STK3: variants seen among roughly 807,000 people sequenced by gnomAD.
STK3 encodes serine/threonine kinase 3.
Under a neutral mutation model 58.0 loss-of-function variants are expected in STK3, and 41 were observed. The observed-to-expected ratio is 0.71, with a 90% CI of 0.55 to 0.92. The LOEUF is 0.92. STK3 is among the 40% of genes least tolerant of loss of function. The pLI is 0.00. For missense variants in STK3, 479 were observed against 602.7 expected (o/e 0.79, Z 2.15); for synonymous variants, 170 against 191.0 (o/e 0.89, Z 0.91).
chr8:98,742,105 A>G (rs923874526), intron 4 of STK3, among the ~76,000 whole-genome samples: 42 of 152,040 alleles, frequency 2.8e-4, no homozygotes, highest in Non-Finnish European at 4.9e-4. Context: ...TACCAACCAA[A>G]AAGAGTCCAG....
At chr8:98,863,247 T>C (rs535728793) in intron 3 of STK3, among the ~76,000 whole-genome samples, 1 of 152,382 alleles carries the variant, frequency 6.6e-6, no homozygotes, top group South Asian at 2.1e-4. Flanking sequence ...TTATCATTGA[T>C]AAGAGCAGCA....
intron 1 of STK3, among the ~76,000 whole-genome samples, chr8:98,934,558 G>C (rs918644771): frequency 2.0e-5 from 3 of 152,226 alleles, no homozygotes; most frequent in African/African-American, 7.2e-5. Context: ...CATAAAAGCA[G>C]CAAAGGTGTC....
At chr8:98,498,052 G>T (rs1057040800) in intron 10 of STK3, among the ~76,000 whole-genome samples, 1 of 152,110 alleles carries the variant, frequency 6.6e-6, no homozygotes. Context: ...TCCTTACACG[G>T]CCTCATAGTA....
At chr8:98,807,622 C>T (rs950514479) in intron 1 of STK3, among the ~76,000 whole-genome samples, 1 of 152,108 alleles carries the variant, frequency 6.6e-6, no homozygotes, top group African/African-American at 2.4e-5. Flanking sequence ...AATTCCAAGT[C>T]TCAAAAGTAT....
intron 3 of STK3, among the ~76,000 whole-genome samples, chr8:98,754,609 G>C (rs553557429): frequency 6.6e-6 from 1 of 151,692 alleles, no homozygotes; most frequent in Non-Finnish European, 1.5e-5. Context: ...TCCTGGGTTC[G>C]AGTGATTCTC....
intron 6 of STK3, among the ~76,000 whole-genome samples, chr8:98,693,372 G>C (rs895753121): frequency 2.6e-5 from 4 of 152,106 alleles, no homozygotes; most frequent in African/African-American, 9.7e-5. Flanking sequence ...CAGCCTGGGT[G>C]ACAAAGCAAG....
At chr8:98,355,884 T>C in the STK3 span, among the ~76,000 whole-genome samples, 1 of 152,252 alleles carries the variant, frequency 6.6e-6, no homozygotes, top group Non-Finnish European at 1.5e-5. Context: ...CTGGTCATTA[T>C]GGCATTTAAT....
intron 1 of STK3, among the ~76,000 whole-genome samples, chr8:98,819,788 A>T (rs1295277492): frequency 6.6e-6 from 1 of 152,152 alleles, no homozygotes; most frequent in Non-Finnish European, 1.5e-5. Flanking sequence ...TTACTTTCCA[A>T]CATTCCAAGG....
At position 98,822,756 on chromosome 8, in the gene STK3, C is replaced by T. The variant is rs530617713; in HGVS notation, c.26+2759G>A. ...AATAAAGAACAACGGGGGCCAGGCA[C>T]GGTGGTTCATGCCTGTAATCCCAGC... is the stretch of plus-strand genomic sequence containing the variant. On this transcript the variant is annotated intron_variant, in intron 1 of 10. Coordinates refer to ENST00000419617, the MANE Select transcript of STK3 (RefSeq NM_006281.4). Among the ~76,000 whole-genome samples the T allele has an allele frequency of 6.6e-5, 10 of 152,294 alleles. No homozygotes were observed. In the South Asian group the frequency reaches 2.1e-3, roughly 32 times the overall value.
intron 1 of STK3, among the ~76,000 whole-genome samples, chr8:98,787,721 T>C (rs1832559879): frequency 6.6e-6 from 1 of 152,184 alleles, no homozygotes; most frequent in South Asian, 2.1e-4. Flanking sequence ...CCTATCAGAT[T>C]AGCAGCAGAT....
At chr8:98,903,702 C>T (rs1173817456) in intron 1 of STK3, among the ~76,000 whole-genome samples, 1 of 151,890 alleles carries the variant, frequency 6.6e-6, no homozygotes, top group Non-Finnish European at 1.5e-5. Flanking sequence ...TGTGCCTGGC[C>T]TTAGGCAATT....
intron 4 of STK3, among the ~76,000 whole-genome samples, chr8:98,720,503 C>T (rs1827320617): frequency 6.6e-6 from 1 of 152,028 alleles, no homozygotes; most frequent in African/African-American, 2.4e-5. Context: ...GTAATCCCAG[C>T]ACTTTGGAAG....
In STK3 at chr8:98,428,627, C is replaced by G. The variant is rs925173886; in HGVS notation, n.483+5500G>C. 1.2e-6 allele frequency: 2 copies of G among 1,614,098 alleles called. No individual in the cohort carries two copies. Among genetic ancestry groups the G allele is most frequent in the African/African-American group, 2.7e-5 (2 of 74,936 alleles). On this transcript the variant is annotated intron_variant and non_coding_transcript_variant, in intron 3 of 3. Transcript: ENST00000517832. The surrounding 1 kb of genome is among the most constrained non-coding windows in gnomAD (Gnocchi z 6.7). Reference sequence around the variant, plus strand: ...GCCTGCCCGATTTCCAAATCCCTGACAGCCAGGGCAACCCTGGCGAGGACC... The same window carrying G: ...GCCTGCCCGATTTCCAAATCCCTGAGAGCCAGGGCAACCCTGGCGAGGACC...
downstream of STK3, chr8:98,880,922 AT>A (rs771831658): frequency 6.6e-6 from 1 of 152,238 alleles, no homozygotes; most frequent in Non-Finnish European, 1.5e-5. Context: ...GTTTGGCAGT[AT>A]TTTACAAAAC....
At chr8:98,766,189 G>T (rs1236793659) in intron 3 of STK3, among the ~76,000 whole-genome samples, 1 of 152,142 alleles carries the variant, frequency 6.6e-6, no homozygotes, top group Non-Finnish European at 1.5e-5. Flanking sequence ...TACAATGAGT[G>T]TGCTATATTA....
chr8:98,475,030 C>T (rs1821204083), intron 10 of STK3, among the ~76,000 whole-genome samples: 1 of 152,136 alleles, frequency 6.6e-6, no homozygotes, highest in South Asian at 2.1e-4. Context: ...TAGTGTTTGT[C>T]ATCACGGTGA....
At chr8:98,475,321 G>C (rs1459257868) in intron 10 of STK3, among the ~76,000 whole-genome samples, 1 of 152,178 alleles carries the variant, frequency 6.6e-6, no homozygotes, top group Non-Finnish European at 1.5e-5. Flanking sequence ...GAAGCACCAA[G>C]AACAGGGGTG....
At chr8:98,910,244 G>T (rs1353250897) in intron 1 of STK3, among the ~76,000 whole-genome samples, 3 of 151,924 alleles carry the variant, frequency 2.0e-5, no homozygotes, top group African/African-American at 7.3e-5. Context: ...TTGCCACATA[G>T]GTATGTATTA....
intron 6 of STK3, among the ~76,000 whole-genome samples, chr8:98,691,877 A>G (rs1397752437): frequency 4.0e-5 from 6 of 151,422 alleles, no homozygotes; most frequent in African/African-American, 1.5e-4. Context: ...GGTTGCAGTG[A>G]GCCGAGATCA....
Sources: gnomAD v4.1 joint callset for allele counts (sites outside exome capture counted in the v4.1 genomes callset) on GRCh38, gnomAD v4.1.1 for gene constraint, Gnocchi (gnomAD v3.1) non-coding constraint, MANE v1.5 for transcripts, NCBI Gene and HGNC (gene_info 2026-07-23, HGNC 2026-07-21) for gene names.